SORT1: variants seen among roughly 807,000 people sequenced by gnomAD.
The protein encoded by SORT1 is sortilin 1.
In SORT1, 39 loss-of-function variants were observed where a neutral mutation model predicts 101.7. That is an observed-to-expected ratio of 0.38 (90% CI 0.30 to 0.50). The LOEUF (loss-of-function observed/expected upper bound fraction) is 0.50, where lower values mean the gene tolerates loss of function less well. Among genes scored for constraint, SORT1 ranks in the 20% least tolerant of loss-of-function variants. The pLI, the probability that SORT1 is intolerant of heterozygous loss-of-function variation, is 0.90. For synonymous variants in SORT1, 396 were observed against 393.7 expected (o/e 1.01, Z -0.07); for missense variants, 878 against 1,040.4 (o/e 0.84, Z 2.15).
chr1:109,378,666 TAG>T (rs1243913772), intron 1 of SORT1, among the ~76,000 whole-genome samples: 1 of 117,158 alleles, frequency 8.5e-6, no homozygotes, highest in East Asian at 2.8e-4. Context: ...AGTACTATGT[TAG>T]AGAGTCCAGC....
chr1:109,345,898 TATTA>T lies in SORT1; in HGVS notation c.833-21_833-18del. ...GGTCAGCTTCTTAAACAAGACAAAA[TATTA>T]ATTAAAATTTCACTTACTGGTGAGC... On this transcript the variant is annotated intron_variant, in intron 7 of 19. Coordinates refer to ENST00000256637, the MANE Select transcript of SORT1 (RefSeq NM_002959.7). 6.2e-7 allele frequency: 1 copy of T among 1,600,568 alleles called. No individual in the cohort carries two copies. The highest frequency in any genetic ancestry group is 8.5e-7 in the Non-Finnish European group (1 of 1,174,398).
rs1441410675 is a variant in SORT1 at position 109,397,862 on chromosome 1, G to C, written c.31C>G (p.Leu11Val). The change falls in exon 1 of 20, where the codon CTC (leucine) becomes GTC (valine). Residue 11 changes from leucine to valine, a missense_variant. Leu to Val is a conservative substitution (Grantham distance 32). Coordinates refer to ENST00000256637, the MANE Select transcript of SORT1 (RefSeq NM_002959.7). MERPWGAADGLSRWPHGLGLL... is the reference protein window; with the variant it reads MERPWGAADGVSRWPHGLGLL... ...CCGAGGCCATGGGGCCAGCGCGAGA[G>C]GCCGTCCGCAGCTCCCCAGGGCCGC... is the stretch of plus-strand genomic sequence containing the variant. 5 of 1,277,900 alleles carry C rather than the reference G, an allele frequency of 3.9e-6. No individual in the cohort carries two copies. Among genetic ancestry groups the C allele is most frequent in the Non-Finnish European group, 5.0e-6 (5 of 1,001,862 alleles). 79.2% of individuals were successfully genotyped at this position (1,277,900 alleles called of 1,614,324 possible).
intron 1 of SORT1, among the ~76,000 whole-genome samples, chr1:109,370,319 A>G (rs1040753231): frequency 2.6e-5 from 4 of 152,146 alleles, no homozygotes; most frequent in African/African-American, 9.7e-5. Flanking sequence ...AATAATATAT[A>G]TTCATTAAAG....
intron 3 of SORT1, among the ~76,000 whole-genome samples, chr1:109,366,197 A>G (rs1392892722): frequency 6.6e-6 from 1 of 152,218 alleles, no homozygotes; most frequent in Admixed American, 6.5e-5. Flanking sequence ...TACCTTTGAG[A>G]AGACAACTCT....
intron 5 of SORT1, among the ~76,000 whole-genome samples, chr1:109,353,328 C>CAAAAAAA: frequency 1.6e-5 from 1 of 61,044 alleles, no homozygotes; most frequent in Non-Finnish European, 3.3e-5. Flanking sequence ...AACTCTGTCT[C>CAAAAAAA]AAAAAAAAAA....
At chr1:109,397,439 G>GC (rs1397674528) in intron 1 of SORT1, 148 bp downstream of exon 1, 1 of 423,240 alleles carries the variant, frequency 2.4e-6, no homozygotes, top group Admixed American at 6.1e-5. Context: ...CCGCCCGCCC[G>GC]CCCGCCGCAG....
intron 1 of SORT1, among the ~76,000 whole-genome samples, chr1:109,384,600 G>A (rs1036782033): frequency 5.3e-5 from 8 of 152,158 alleles, no homozygotes; most frequent in African/African-American, 1.2e-4. Context: ...AAAATACTGT[G>A]AGTCATTGTC....
intron 11 of SORT1, among the ~76,000 whole-genome samples, chr1:109,330,756 T>C (rs918995533): frequency 2.6e-5 from 4 of 151,648 alleles, no homozygotes; most frequent in African/African-American, 9.7e-5. Flanking sequence ...AAGACTCAAG[T>C]AAAATCAGAA....
At chr1:109,346,784 C>T (rs1028274823) in intron 7 of SORT1, among the ~76,000 whole-genome samples, 11 of 149,284 alleles carry the variant, frequency 7.4e-5, no homozygotes, top group Non-Finnish European at 1.5e-4. Context: ...TGCTGCTTTA[C>T]TTTCTTCATG....
chr1:109,355,649 C>CCG lies in SORT1; in HGVS notation c.441-181_441-180insCG, dbSNP rs1443194442. 5.9e-5 allele frequency among the ~76,000 whole-genome samples: 8 copies of CCG among 134,616 alleles called. 3 individuals are homozygous for CCG. The highest frequency in any genetic ancestry group is 2.1e-4 in the African/African-American group (8 of 37,846). The allele number at this position is 134,616 out of a possible 152,430, so 88.3% of individuals were successfully genotyped here. Reference sequence around the variant, plus strand: ...AGTCCGAAGAACATTCCACCCGCCCCCCCCCCCACAAACCCACTCACCAGT... The same window carrying CCG: ...AGTCCGAAGAACATTCCACCCGCCCCCGCCCCCCCACAAACCCACTCACCAGT... On this transcript the variant is annotated intron_variant, in intron 3 of 19. Transcript: ENST00000256637.
At chr1:109,321,385 C>T (rs145350793) in intron 15 of SORT1, among the ~76,000 whole-genome samples, 3,445 of 152,112 alleles carry the variant, frequency 0.023, 59 homozygotes, top group Middle Eastern at 0.051. Context: ...GCATCATGTG[C>T]GGTGGCATGG....
chr1:109,372,641 G>A (rs776946700), intron 1 of SORT1, among the ~76,000 whole-genome samples: 1 of 151,994 alleles, frequency 6.6e-6, no homozygotes, highest in African/African-American at 2.4e-5. Flanking sequence ...AGAATGGGCC[G>A]GGCGCGGTGG....
chr1:109,390,429 G>A (rs1418904745), intron 1 of SORT1, among the ~76,000 whole-genome samples: 2 of 152,058 alleles, frequency 1.3e-5, no homozygotes, highest in African/African-American at 4.8e-5. Context: ...ACAATCCTAA[G>A]AGCTGCTGCT....
intron 7 of SORT1, 94 bp from the exon 8 acceptor site, chr1:109,345,975 A>T: frequency 9.3e-7 from 1 of 1,078,188 alleles, no homozygotes; most frequent in Admixed American, 2.3e-5. Context: ...TTATAGCTAA[A>T]GCATTTTAAA....
At chr1:109,320,365 G>A (rs1207718723) in intron 15 of SORT1, among the ~76,000 whole-genome samples, 3 of 152,002 alleles carry the variant, frequency 2.0e-5, no homozygotes, top group East Asian at 1.9e-4. Flanking sequence ...TTCCGTATTC[G>A]TCCATGACAT....
rs1477455396 is a variant in SORT1, at chr1:109,368,273, G to GAC, written c.367-794_367-793dup. On this transcript the variant is annotated intron_variant, in intron 2 of 19. Transcript: ENST00000256637. ...TGCACCACTGCTCTCCAGCCTGGGT[G>GAC]ACAGAGCAAGACTCTGTCTCAAAAA... 3.1e-5 allele frequency among the ~76,000 whole-genome samples: 4 copies of GAC among 128,342 alleles called. No individual in the cohort carries two copies. In the East Asian group the frequency reaches 9.2e-4, roughly 29 times the overall value. 84.2% of individuals were successfully genotyped at this position (128,342 alleles called of 152,430 possible). A position where few individuals can be genotyped will look rare whatever the true frequency, so the allele number is the denominator to read the frequency against.
Position 109,354,424 on chromosome 1 carries a change from G to A in SORT1, c.651C>T (p.Leu217=). The change falls in exon 5 of 20, where the codon CTC becomes CTT. Residue 217 remains leucine, a synonymous_variant. Transcript: ENST00000256637. The part of the protein sequence containing the change: ...FVQTDLPFHP[L]TQMMYSPQNS... Reference sequence around the variant, plus strand: ...TCTGAGGGCTATACATCATCTGAGTGAGAGGATGAAAAGGGAGATCTGTTT... The same window carrying A: ...TCTGAGGGCTATACATCATCTGAGTAAGAGGATGAAAAGGGAGATCTGTTT... 1.2e-6 allele frequency: 2 copies of A among 1,612,450 alleles called. No individual in the cohort carries two copies. Among genetic ancestry groups the A allele is most frequent in the African/African-American group, 1.3e-5 (1 of 75,002 alleles).
intron 8 of SORT1, among the ~76,000 whole-genome samples, chr1:109,344,632 CTTTG>C (rs1238768769): frequency 6.6e-6 from 1 of 152,196 alleles, no homozygotes; most frequent in African/African-American, 2.4e-5. Context: ...ACTCCTGACA[CTTTG>C]TTTTCTTACT....
intron 11 of SORT1, among the ~76,000 whole-genome samples, chr1:109,331,564 C>T (rs1025108551): frequency 2.0e-5 from 3 of 152,110 alleles, no homozygotes; most frequent in African/African-American, 7.2e-5. Flanking sequence ...AAGCCCACAG[C>T]TAACATCATA....
Sources: allele counts gnomAD v4.1 joint callset (sites outside exome capture counted in the v4.1 genomes callset), GRCh38; gene constraint gnomAD v4.1.1; transcripts MANE v1.5; gene names NCBI Gene and HGNC (gene_info 2026-07-23, HGNC 2026-07-21).